CCDC18: variants seen among roughly 807,000 people sequenced by gnomAD.
The protein encoded by CCDC18 is coiled-coil domain-containing protein 18.
CCDC18 carries 157 observed loss-of-function variants against 196.0 expected under a neutral mutation model. The observed-to-expected ratio is 0.80, with a 90% CI of 0.70 to 0.91. The LOEUF (loss-of-function observed/expected upper bound fraction) is 0.91. Among genes scored for constraint, CCDC18 ranks in the 40% least tolerant of loss-of-function variants. CCDC18 has a pLI of 0.00. For synonymous variants in CCDC18, 482 were observed against 529.2 expected (o/e 0.91, Z 1.22); for missense variants, 1,465 against 1,611.6 (o/e 0.91, Z 1.56).
chr1:93,190,746 C>A (rs1045487934), intron 4 of CCDC18: 1 of 554,430 alleles, frequency 1.8e-6, no homozygotes, highest in African/African-American at 1.9e-5. Context: ...ACACTTAGAA[C>A]TGGGTCACTT....
At chr1:93,212,841 A>G (rs1655878683) in intron 11 of CCDC18, among the ~76,000 whole-genome samples, 1 of 152,134 alleles carries the variant, frequency 6.6e-6, no homozygotes, top group Non-Finnish European at 1.5e-5. Flanking sequence ...TTATTGTGCA[A>G]TTTATTTATA....
intron 6 of CCDC18, among the ~76,000 whole-genome samples, chr1:93,198,684 G>T (rs551532513): frequency 4.6e-5 from 7 of 152,196 alleles, no homozygotes; most frequent in Admixed American, 3.3e-4. Flanking sequence ...GTATTGCTTT[G>T]TTACCCAGGC....
chr1:93,258,738 C>A lies in CCDC18; in HGVS notation c.3547-10C>A. On this transcript the variant is annotated splice_polypyrimidine_tract_variant and intron_variant, in intron 25 of 28. Coordinates refer to ENST00000690025, the MANE Select transcript of CCDC18 (RefSeq NM_001378204.1). ...GTTTTATAGCTTTTACTCAATATGT[C>A]ATTTTTAAGGATGCTCATGGAAACC... The A allele has an allele frequency of 6.5e-7, 1 of 1,530,246 alleles. No homozygotes were observed. The highest frequency in any genetic ancestry group is 2.4e-5 in the East Asian group (1 of 41,358). 94.8% of individuals were successfully genotyped at this position (1,530,246 alleles called of 1,614,324 possible). A position where few individuals can be genotyped will look rare whatever the true frequency, so the allele number is the denominator to read the frequency against.
At position 93,258,827 on chromosome 1, in the gene CCDC18, C is replaced by A; in HGVS notation, c.3626C>A (p.Ala1209Glu). 1 of 1,600,104 alleles carries A rather than the reference C, an allele frequency of 6.2e-7. No homozygotes were observed. Among genetic ancestry groups the A allele is most frequent in the Non-Finnish European group, 8.5e-7 (1 of 1,173,750 alleles). ...GCTCATTTAGAAGCAAGAATGCAAG[C>A]AGAAATCAAGAAATTGTCAGCAGAA... ...REAHLEARMQ[A>E]EIKKLSAEVE... Residue 1209 changes from alanine to glutamate, a missense_variant, in exon 26 of 29, where the codon GCA becomes GAA. By Grantham distance (107) the Ala-to-Glu change is moderately radical. Transcript: ENST00000690025.
chr1:93,209,952 T>G (rs1200445093), intron 9 of CCDC18, among the ~76,000 whole-genome samples: 2 of 152,080 alleles, frequency 1.3e-5, no homozygotes, highest in African/African-American at 4.8e-5. Flanking sequence ...TCCTAGCTAC[T>G]CGAGAAGCTG....
chr1:93,186,861 G>T (rs1238609928), intron 4 of CCDC18, among the ~76,000 whole-genome samples: 1 of 151,896 alleles, frequency 6.6e-6, no homozygotes, highest in Non-Finnish European at 1.5e-5. Context: ...GAGGAAGAAA[G>T]ATCACCCAGA....
chr1:93,184,433 C>T (rs927222832), intron 3 of CCDC18, among the ~76,000 whole-genome samples: 2 of 151,624 alleles, frequency 1.3e-5, no homozygotes, highest in Non-Finnish European at 3.0e-5. Flanking sequence ...AAATTATAAT[C>T]CCCTTGATTT....
rs1251219227 is a variant in CCDC18, at chr1:93,232,410, T to C, written c.2293-16T>C. On this transcript the variant is annotated splice_polypyrimidine_tract_variant and intron_variant, in intron 17 of 28. Transcript: ENST00000690025. ...ACATTGCATTGTATTGAGAGATATA[T>C]ATATATATTTGCCAGGTATATTGTT... The C allele has an allele frequency of 1.4e-6, 2 of 1,446,454 alleles. No individual in the cohort carries two copies. The highest frequency in any genetic ancestry group is 1.9e-5 in the Admixed American group (1 of 51,896). The allele number at this position is 1,446,454 out of a possible 1,614,324, so 89.6% of individuals were successfully genotyped here.
At chr1:93,246,785 A>T (rs1050310893) in intron 22 of CCDC18, 53 bp from the exon 23 acceptor site, 7 of 826,698 alleles carry the variant, frequency 8.5e-6, no homozygotes, top group African/African-American at 7.0e-5. Flanking sequence ...TTCTAAGCAT[A>T]CAAGTTTTTA....
intron 9 of CCDC18, among the ~76,000 whole-genome samples, chr1:93,209,227 G>A (rs968104833): frequency 6.6e-6 from 1 of 152,186 alleles, no homozygotes; most frequent in African/African-American, 2.4e-5. Flanking sequence ...CGAAATGCTG[G>A]GATTACAGGC....
intron 18 of CCDC18, 112 bp from the exon 19 acceptor site, chr1:93,236,136 G>C (rs1485507177): frequency 1.2e-6 from 1 of 806,644 alleles, no homozygotes; most frequent in African/African-American, 1.8e-5. Context: ...ATTACTTCTT[G>C]GTCTATATGT....
At position 93,239,945 on chromosome 1, in the gene CCDC18, A is replaced by T. The variant is rs564140548; in HGVS notation, c.2981+49A>T. The T allele has an allele frequency of 1.2e-5, 14 of 1,209,152 alleles. No individual in the cohort carries two copies. The South Asian group carries it at 1.6e-4, about 14-fold the overall frequency. The allele number at this position is 1,209,152 out of a possible 1,614,324, so 74.9% of individuals were successfully genotyped here. The stretch of plus-strand genomic sequence containing the variant: ...TATCACAGTTATAAGTCCTTGGATA[A>T]TACAATAAAATATGTTGTTGCATTC... On this transcript the variant is annotated intron_variant, in intron 21 of 28. Coordinates refer to ENST00000690025, the MANE Select transcript of CCDC18 (RefSeq NM_001378204.1).
At chr1:93,236,212 T>C (rs780904535) in intron 18 of CCDC18, 36 bp from the exon 19 acceptor site, 32 of 1,525,908 alleles carry the variant, frequency 2.1e-5, no homozygotes, top group Non-Finnish European at 2.7e-5. Context: ...ATTTTTCTTC[T>C]GAATTTAAAA....
chr1:93,236,376 T>C lies in CCDC18; in HGVS notation c.2589T>C (p.Leu863=). Reference sequence around the variant, plus strand: ...TGAAAAGGCAAAAAGTGATTGAGCTTACTGGCACTGCCAGGTAAAATGTGA... The same window carrying C: ...TGAAAAGGCAAAAAGTGATTGAGCTCACTGGCACTGCCAGGTAAAATGTGA... ...ADLKRQKVIE[L]TGTARQVKIE... The change falls in exon 19 of 29, where the codon CTT becomes CTC. Residue 863 remains leucine (L), a synonymous_variant. Coordinates refer to ENST00000690025, the MANE Select transcript of CCDC18 (RefSeq NM_001378204.1). 6.3e-7 allele frequency: 1 copy of C among 1,593,968 alleles called. No homozygotes were observed. The highest frequency in any genetic ancestry group is 1.7e-4 in the Middle Eastern group (1 of 5,998).
intron 27 of CCDC18, among the ~76,000 whole-genome samples, chr1:93,268,426 A>T (rs536499014): frequency 3.3e-5 from 5 of 152,252 alleles, no homozygotes; most frequent in Admixed American, 2.0e-4. Context: ...AAACCAAAAT[A>T]GACAAATGGG....
rs748060943 is a variant in CCDC18 at position 93,212,181 on chromosome 1, T to C, written c.1415T>C (p.Ile472Thr). Residue 472 changes from isoleucine (I) to threonine (T), a missense_variant, in exon 11 of 29, where the codon ATT (isoleucine) becomes ACT (threonine). Transcript: ENST00000690025. ...LTANQLSQSL[I>T]TCNDSQESSK... ...GCAAATCAGTTATCTCAGAGTCTTA[T>C]TACTTGTAATGACAGCCAAGAAAGT... The C allele has an allele frequency of 2.0e-5, 32 of 1,611,036 alleles. No homozygotes were observed. In the South Asian group the frequency reaches 3.4e-4, roughly 17 times the overall value.
intron 4 of CCDC18, 73 bp downstream of exon 4, chr1:93,186,576 C>A: frequency 8.2e-7 from 1 of 1,215,116 alleles, no homozygotes; most frequent in Non-Finnish European, 1.2e-6. Flanking sequence ...AAAAATATTC[C>A]TTGTATTGCC....
intron 21 of CCDC18, among the ~76,000 whole-genome samples, chr1:93,241,746 A>AAG (rs1660826355): frequency 6.6e-6 from 1 of 151,126 alleles, no homozygotes; most frequent in East Asian, 1.9e-4. Flanking sequence ...AAAAAAAAAA[A>AAG]TAGATCATAT....
rs762833981 is a variant in CCDC18, at chr1:93,186,370, A to G, written c.329A>G (p.Asp110Gly). ...ATGTTTTCATCTTCTGCCCCTGTGG[A>G]TCAGGAGATTAAAAGCCTTCGAGAG... ...DKMFSSSAPV[D>G]QEIKSLREKL... Residue 110 changes from aspartate (D) to glycine (G), a missense_variant, in exon 4 of 29, where the codon GAT (aspartate) becomes GGT (glycine). Asp to Gly is a moderately conservative substitution (Grantham distance 94). Transcript: ENST00000690025. 1.9e-6 allele frequency: 3 copies of G among 1,611,826 alleles called. No homozygotes were observed. The highest frequency in any genetic ancestry group is 2.5e-6 in the Non-Finnish European group (3 of 1,178,734).
Sources: allele counts gnomAD v4.1 joint callset (sites outside exome capture counted in the v4.1 genomes callset), GRCh38; gene constraint gnomAD v4.1.1; transcripts MANE v1.5; gene names NCBI Gene and HGNC (gene_info 2026-07-23, HGNC 2026-07-21).